ABCC2: variants seen among roughly 807,000 people sequenced by gnomAD.
The protein encoded by ABCC2 is ATP binding cassette subfamily C member 2.
A neutral mutation model predicts 173.4 loss-of-function variants in ABCC2; 157 were observed. That is an observed-to-expected ratio of 0.91 (90% CI 0.80 to 1.03). The LOEUF (loss-of-function observed/expected upper bound fraction) is 1.03. Ranked by LOEUF, ABCC2 falls within the 50% of genes least tolerant of loss-of-function variation. The probability of loss-of-function intolerance (pLI) is 0.00; values close to 1 mark genes in which losing one functional copy is unlikely to be tolerated. For missense variants in ABCC2, 1,822 were observed against 1,852.3 expected, an observed-to-expected ratio of 0.98 and a Z score of 0.30; for synonymous variants, 657 against 693.5, an observed-to-expected ratio of 0.95 and a Z score of 0.83.
Position 99,806,077 on chromosome 10 carries a change from C to CTCTCTGTCTCTCTG in ABCC2, c.1530+631_1530+632insCTCTGTCTCTCTGT, listed in dbSNP as rs10644836. 2.3e-3 allele frequency among the ~76,000 whole-genome samples: 347 copies of CTCTCTGTCTCTCTG among 148,144 alleles called. 3 individuals are homozygous for CTCTCTGTCTCTCTG. Among genetic ancestry groups the CTCTCTGTCTCTCTG allele is most frequent in the South Asian group, 0.014 (65 of 4,620 alleles). On this transcript the variant is annotated intron_variant, in intron 11 of 31. Coordinates refer to ENST00000647814, the MANE Select transcript of ABCC2 (RefSeq NM_000392.5). Reference sequence around the variant, plus strand: ...TCTACTACAGTCTCTCTCTCTCTGTCTGTGTGTGTGTGTGTGTGTGTGTGT... The same window carrying CTCTCTGTCTCTCTG: ...TCTACTACAGTCTCTCTCTCTCTGTCTCTCTGTCTCTCTGTGTGTGTGTGTGTGTGTGTGTGTGT...
chr10:99,785,526 CTA>C (rs2037692823), intron 2 of ABCC2, among the ~76,000 whole-genome samples: 1 of 151,960 alleles, frequency 6.6e-6, no homozygotes, highest in African/African-American at 2.4e-5. Context: ...ATCATTATTA[CTA>C]CCATTTTAAA....
chr10:99,843,810 C>T lies in ABCC2; in HGVS notation c.3753C>T (p.Thr1251=), dbSNP rs2038978592. Residue 1251 remains threonine (T), a synonymous_variant, in exon 27 of 32, where the codon ACC becomes ACT. Coordinates refer to ENST00000647814, the MANE Select transcript of ABCC2 (RefSeq NM_000392.5). ...VLSNALNITQ[T]LNWLVRMTSE... is the part of the protein sequence containing the mutation. ...TGGTTTTTCTGTAGATCACACAAAC[C>T]CTGAACTGGCTGGTGAGGATGACAT... 1.2e-6 allele frequency: 2 copies of T among 1,614,018 alleles called. No individual in the cohort carries two copies. Among genetic ancestry groups the T allele is most frequent in the Non-Finnish European group, 1.7e-6 (2 of 1,179,940 alleles).
At chr10:99,792,840 A>G (rs1446141765) in intron 3 of ABCC2, among the ~76,000 whole-genome samples, 2 of 152,250 alleles carry the variant, frequency 1.3e-5, no homozygotes, top group Non-Finnish European at 2.9e-5. Flanking sequence ...ATTAATTGCC[A>G]TCAATTCAGT....
chr10:99,844,480 G>A lies in ABCC2; in HGVS notation c.3987+15G>A, dbSNP rs1220089951. ...GCATGGAGAAGGTAGGTGGAGTGAA[G>A]GAAGGCCTGGATGGGAGGCCTTGTG... On this transcript the variant is annotated intron_variant, in intron 28 of 31. Coordinates refer to ENST00000647814, the MANE Select transcript of ABCC2 (RefSeq NM_000392.5). 1.2e-6 allele frequency: 2 copies of A among 1,612,036 alleles called. No homozygotes were observed. Among genetic ancestry groups the A allele is most frequent in the Non-Finnish European group, 8.5e-7 (1 of 1,179,978 alleles).
rs10644836 is a variant in ABCC2, at chr10:99,806,077, C to CTCTGTGTGTGTGTG, written c.1530+631_1530+632insCTGTGTGTGTGTGT. 4.3e-3 allele frequency among the ~76,000 whole-genome samples: 643 copies of CTCTGTGTGTGTGTG among 148,132 alleles called. 6 individuals carry two copies. Among genetic ancestry groups the CTCTGTGTGTGTGTG allele is most frequent in the African/African-American group, 0.012 (468 of 39,804 alleles). On this transcript the variant is annotated intron_variant, in intron 11 of 31. Transcript: ENST00000647814. The stretch of plus-strand genomic sequence containing the variant: ...TCTACTACAGTCTCTCTCTCTCTGT[C>CTCTGTGTGTGTGTG]TGTGTGTGTGTGTGTGTGTGTGTGT...
intron 16 of ABCC2, 41 bp downstream of exon 16, chr10:99,813,185 T>A: frequency 6.2e-7 from 1 of 1,607,916 alleles, no homozygotes; most frequent in Non-Finnish European, 8.5e-7. Context: ...GACTCCCGAA[T>A]GTCAGCAGCT....
At chr10:99,810,520 G>T (rs371480886) in intron 14 of ABCC2, among the ~76,000 whole-genome samples, 13 of 152,214 alleles carry the variant, frequency 8.5e-5, no homozygotes, top group African/African-American at 3.1e-4. Flanking sequence ...AAGGTAGCCT[G>T]GAGTGAAAGA....
intron 9 of ABCC2, among the ~76,000 whole-genome samples, chr10:99,802,060 C>T (rs1039076989): frequency 2.0e-5 from 3 of 152,224 alleles, no homozygotes; most frequent in Non-Finnish European, 4.4e-5. Context: ...CTGTCTCAGC[C>T]ATTGCTAGTA....
intron 12 of ABCC2, among the ~76,000 whole-genome samples, chr10:99,807,815 TGG>T (rs2133032680): frequency 6.6e-6 from 1 of 152,290 alleles, no homozygotes; most frequent in South Asian, 2.1e-4. Context: ...TTGTCTTCTT[TGG>T]GAGGTGGTGT....
intron 2 of ABCC2, among the ~76,000 whole-genome samples, chr10:99,786,726 T>G (rs1271040488): frequency 6.6e-6 from 1 of 150,388 alleles, no homozygotes; most frequent in African/African-American, 2.5e-5. Context: ...AACATTCGGC[T>G]GGGCATGGTG....
At chr10:99,835,251 G>A (rs1590185102) in intron 24 of ABCC2, among the ~76,000 whole-genome samples, 2 of 152,270 alleles carry the variant, frequency 1.3e-5, no homozygotes, top group Admixed American at 1.3e-4. Context: ...TGTGGCCTGC[G>A]ATTGGCGGCT....
At chr10:99,805,012 T>G (rs927820822) in intron 10 of ABCC2, among the ~76,000 whole-genome samples, 1 of 152,126 alleles carries the variant, frequency 6.6e-6, no homozygotes, top group African/African-American at 2.4e-5. Flanking sequence ...GGTGGTTATT[T>G]TCAATGAGTT....
chr10:99,811,893 C>T (rs180733635), intron 15 of ABCC2, among the ~76,000 whole-genome samples: 27 of 152,284 alleles, frequency 1.8e-4, no homozygotes, highest in Admixed American at 1.6e-3. Flanking sequence ...GGTAGTGCAG[C>T]GTTGGCAGGT....
chr10:99,835,054 C>T (rs2038799023), intron 24 of ABCC2, among the ~76,000 whole-genome samples: 2 of 152,116 alleles, frequency 1.3e-5, no homozygotes, highest in African/African-American at 2.4e-5. Flanking sequence ...GTGTATTCTT[C>T]GAGGGAATGT....
intron 16 of ABCC2, among the ~76,000 whole-genome samples, chr10:99,814,083 G>T (rs1452139399): frequency 7.7e-6 from 1 of 129,834 alleles, no homozygotes; most frequent in African/African-American, 3.0e-5. Context: ...ATGTGTATGT[G>T]TATATACACA....
rs10559742 is a variant in ABCC2 at position 99,806,077 on chromosome 10, CTGTGTGTG to C, written c.1530+658_1530+665del. 2.7e-3 allele frequency among the ~76,000 whole-genome samples: 403 copies of C among 148,092 alleles called. 1 individual carries two copies. Among genetic ancestry groups the C allele is most frequent in the African/African-American group, 9.2e-3 (365 of 39,800 alleles). ...TCTACTACAGTCTCTCTCTCTCTGT[CTGTGTGTG>C]TGTGTGTGTGTGTGTGTGTGTGTGT... On this transcript the variant is annotated intron_variant, in intron 11 of 31. Transcript: ENST00000647814.
At chr10:99,850,499 G>T in intron 30 of ABCC2, 103 bp from the exon 31 acceptor site, 3 of 1,130,376 alleles carry the variant, frequency 2.7e-6, no homozygotes, top group Non-Finnish European at 2.6e-6. Flanking sequence ...ATTTTGGAGG[G>T]GGGGTTTTGA....
intron 2 of ABCC2, among the ~76,000 whole-genome samples, chr10:99,791,103 G>A (rs1054860651): frequency 1.3e-5 from 2 of 152,118 alleles, no homozygotes; most frequent in African/African-American, 4.8e-5. Context: ...ATACTGATTG[G>A]CATTGTCTGG....
chr10:99,805,285 C>T (rs1189295311), intron 10 of ABCC2, 97 bp from the exon 11 acceptor site: 3 of 1,085,236 alleles, frequency 2.8e-6, no homozygotes, highest in South Asian at 2.6e-5. Flanking sequence ...TACTAAGTGA[C>T]AGCCACAAAG....
Sources: allele counts gnomAD v4.1 joint callset (sites outside exome capture counted in the v4.1 genomes callset), GRCh38; gene constraint gnomAD v4.1.1; transcripts MANE v1.5; gene names NCBI Gene and HGNC (gene_info 2026-07-23, HGNC 2026-07-21).